Variants in RPSA2 observed in about 807,000 individuals in gnomAD.
RPSA2 encodes ribosomal protein SA 2, also known as small ribosomal subunit protein uS2B.
the RPSA2 span, chr19:23,827,482 C>A: frequency 2.7e-5 from 43 of 1,590,858 alleles, no homozygotes; most frequent in South Asian, 4.2e-4. Flanking sequence ...CTCCTGGAAC[C>A]TTCACTAACC....
At chr19:23,834,257 G>A in the RPSA2 span, among the ~76,000 whole-genome samples, 1 of 151,948 alleles carries the variant, frequency 6.6e-6, no homozygotes, top group Non-Finnish European at 1.5e-5. Flanking sequence ...TACTTTTTAT[G>A]AACATACAGG....
chr19:23,802,359 TCCA>T, the RPSA2 span, among the ~76,000 whole-genome samples: 3 of 152,262 alleles, frequency 2.0e-5, no homozygotes, highest in Non-Finnish European at 4.4e-5. Context: ...GGACAGGAGA[TCCA>T]GGTTCTGGAG....
At chr19:23,789,132 C>T in the RPSA2 span, among the ~76,000 whole-genome samples, 1 of 151,180 alleles carries the variant, frequency 6.6e-6, no homozygotes, top group African/African-American at 2.4e-5. Flanking sequence ...TCCCAAGTAG[C>T]TGGGATTACA....
the RPSA2 span, among the ~76,000 whole-genome samples, chr19:23,770,187 A>G: frequency 6.7e-6 from 1 of 148,640 alleles, no homozygotes; most frequent in Non-Finnish European, 1.5e-5. Flanking sequence ...CCATAAAGGT[A>G]GTGTGACATA....
the RPSA2 span, among the ~76,000 whole-genome samples, chr19:23,841,167 G>A: frequency 3.3e-5 from 5 of 152,090 alleles, no homozygotes; most frequent in South Asian, 2.1e-4. Flanking sequence ...CTTGGTTAAC[G>A]TGTTTTCTCA....
chr19:23,841,261 G>A, the RPSA2 span, among the ~76,000 whole-genome samples: 1 of 152,004 alleles, frequency 6.6e-6, no homozygotes. Flanking sequence ...TCAGGAGATC[G>A]AGACCATCCT....
the RPSA2 span, among the ~76,000 whole-genome samples, chr19:23,788,557 C>T: frequency 5.3e-5 from 8 of 152,084 alleles, no homozygotes; most frequent in East Asian, 1.9e-4. Context: ...GTGTCTTCTA[C>T]GTAAGCCCTG....
chr19:23,869,489 T>C, the RPSA2 span, among the ~76,000 whole-genome samples: 1 of 152,184 alleles, frequency 6.6e-6, no homozygotes, highest in Admixed American at 6.5e-5. Flanking sequence ...ACCCAGTGTC[T>C]TGGCCCACTG....
At chr19:23,843,125 G>C in the RPSA2 span, 1 of 171,862 alleles carries the variant, frequency 5.8e-6, no homozygotes, top group African/African-American at 2.4e-5. Context: ...CATGGTACTA[G>C]GATGGTAACT....
chr19:23,828,576 T>A, the RPSA2 span, among the ~76,000 whole-genome samples: 1 of 145,706 alleles, frequency 6.9e-6, no homozygotes, highest in African/African-American at 2.5e-5. Context: ...TTTTTGCTTT[T>A]ATCGTTGTAT....
the RPSA2 span, among the ~76,000 whole-genome samples, chr19:23,761,066 G>A: frequency 3.8e-5 from 3 of 79,542 alleles, no homozygotes; most frequent in East Asian, 4.2e-4. Context: ...ATATATATAT[G>A]TTTGTGTGTG....
chr19:23,860,651 G>C, the RPSA2 span, among the ~76,000 whole-genome samples: 1 of 152,158 alleles, frequency 6.6e-6, no homozygotes. Flanking sequence ...CAGAATGCTA[G>C]TCTACTAATC....
the RPSA2 span, among the ~76,000 whole-genome samples, chr19:23,767,761 G>GTTT: frequency 1.9e-4 from 14 of 73,130 alleles, no homozygotes; most frequent in African/African-American, 5.8e-4. Flanking sequence ...TTCAATTTCA[G>GTTT]TTTTTTTTTT....
At chr19:23,773,065 G>A in the RPSA2 span, among the ~76,000 whole-genome samples, 1 of 129,724 alleles carries the variant, frequency 7.7e-6, no homozygotes, top group South Asian at 3.0e-4. Flanking sequence ...CTGAGACTCC[G>A]TCTCCTCCTG....
chr19:23,802,439 G>A, the RPSA2 span, among the ~76,000 whole-genome samples: 9 of 152,158 alleles, frequency 5.9e-5, no homozygotes, highest in Non-Finnish European at 1.2e-4. Flanking sequence ...CTTATTATTG[G>A]TCCATCAGCC....
At chr19:23,789,929 C>T in the RPSA2 span, among the ~76,000 whole-genome samples, 2 of 152,020 alleles carry the variant, frequency 1.3e-5, no homozygotes, top group African/African-American at 4.8e-5. Flanking sequence ...CTGCTGGCCT[C>T]AGGCTTGGAA....
At chr19:23,764,520 C>T in the RPSA2 span, among the ~76,000 whole-genome samples, 5 of 152,126 alleles carry the variant, frequency 3.3e-5, no homozygotes, top group Non-Finnish European at 5.9e-5. Flanking sequence ...ATTCTTGTTG[C>T]CCATGCTGGA....
the RPSA2 span, among the ~76,000 whole-genome samples, chr19:23,776,267 T>A: frequency 2.6e-5 from 4 of 152,182 alleles, no homozygotes; most frequent in African/African-American, 9.6e-5. Flanking sequence ...CACAGATGAA[T>A]CGTGACATAT....
the RPSA2 span, chr19:23,832,473 C>T: frequency 4.0e-6 from 2 of 498,360 alleles, no homozygotes; most frequent in Non-Finnish European, 7.7e-6. Flanking sequence ...AGAAACCCAA[C>T]AAATCTATGT....
Sources: gnomAD v4.1 joint callset for allele counts (sites outside exome capture counted in the v4.1 genomes callset) on GRCh38, gnomAD v4.1.1 for gene constraint, MANE v1.5 for transcripts, NCBI Gene and HGNC (gene_info 2026-07-23, HGNC 2026-07-21) for gene names.